Variants in DLG2 observed in about 807,000 individuals in gnomAD.
The protein encoded by DLG2 is discs large MAGUK scaffold protein 2.
A neutral mutation model predicts 132.5 loss-of-function variants in DLG2; 45 were observed. The ratio of observed to expected loss-of-function variants is 0.34; its 90% CI spans 0.27 to 0.44. The LOEUF is 0.44. DLG2 is among the 20% of genes least tolerant of loss of function. DLG2 has a pLI of 1.00. For synonymous variants in DLG2, 424 were observed against 419.6 expected, an observed-to-expected ratio of 1.01 and a Z score of -0.13; for missense variants, 1,045 against 1,196.9, an observed-to-expected ratio of 0.87 and a Z score of 1.87.
intron 3 of DLG2, among the ~76,000 whole-genome samples, chr11:85,290,339 T>C (rs1041339089): frequency 6.6e-6 from 1 of 152,124 alleles, no homozygotes; most frequent in African/African-American, 2.4e-5. Context: ...CAAACTCTAA[T>C]GTACACAAAA....
chr11:85,353,465 G>T (rs2083451896), intron 3 of DLG2, among the ~76,000 whole-genome samples: 1 of 152,038 alleles, frequency 6.6e-6, no homozygotes, highest in Non-Finnish European at 1.5e-5. Context: ...AAATACCATT[G>T]GACCGAGCAA....
intron 7 of DLG2, among the ~76,000 whole-genome samples, chr11:84,441,212 T>C (rs892779427): frequency 6.6e-6 from 1 of 151,980 alleles, no homozygotes; most frequent in Non-Finnish European, 1.5e-5. Flanking sequence ...AGTGTTACGA[T>C]CATAGCTCAC....
intron 9 of DLG2, among the ~76,000 whole-genome samples, chr11:84,132,157 T>C (rs2094445801): frequency 6.6e-6 from 1 of 152,004 alleles, no homozygotes; most frequent in African/African-American, 2.4e-5. Flanking sequence ...TTGTTCTGGC[T>C]TTAGCTTTAG....
chr11:84,918,166 G>A (rs902657572), intron 6 of DLG2, among the ~76,000 whole-genome samples: 1 of 152,076 alleles, frequency 6.6e-6, no homozygotes, highest in Non-Finnish European at 1.5e-5. Context: ...TAAATAAACT[G>A]TAAGGAAAAA....
At chr11:84,897,880 T>C (rs1294660387) in intron 6 of DLG2, among the ~76,000 whole-genome samples, 2 of 151,852 alleles carry the variant, frequency 1.3e-5, no homozygotes, top group Admixed American at 1.3e-4. Context: ...AGAGATAATA[T>C]GGAACACATA....
At chr11:83,921,664 A>G (rs146441806) in intron 15 of DLG2, among the ~76,000 whole-genome samples, 141 of 152,210 alleles carry the variant, frequency 9.3e-4, no homozygotes, top group Admixed American at 2.8e-3. Context: ...GAATTTTCTC[A>G]TAGGTAGTTT....
intron 6 of DLG2, among the ~76,000 whole-genome samples, chr11:84,873,422 C>T (rs1306905837): frequency 6.6e-6 from 1 of 152,214 alleles, no homozygotes; most frequent in Non-Finnish European, 1.5e-5. Flanking sequence ...TTTTTGACTT[C>T]TGACTTCAGG....
Position 85,154,778 on chromosome 11 carries a change from A to G in DLG2, c.187-127T>C, listed in dbSNP as rs553221437. 190 of 550,374 alleles carry G rather than the reference A, an allele frequency of 3.5e-4. 2 individuals carry two copies. The South Asian group carries it at 4.5e-3, about 13-fold the overall frequency. The allele number at this position is 550,374 out of a possible 1,614,324, so 34.1% of individuals were successfully genotyped here. A position where few individuals can be genotyped will look rare whatever the true frequency, so the allele number is the denominator to read the frequency against. On this transcript the variant is annotated intron_variant, in intron 4 of 27. Coordinates refer to ENST00000376104, the MANE Select transcript of DLG2 (RefSeq NM_001142699.3). ...TAAATATTAGATGTTGCTTATTTCA[A>G]TTTTAGCATATGAATGTACTATCTA... is the stretch of plus-strand genomic sequence containing the variant.
intron 3 of DLG2, among the ~76,000 whole-genome samples, chr11:85,538,991 T>A (rs1319267661): frequency 6.6e-6 from 1 of 151,692 alleles, no homozygotes; most frequent in Non-Finnish European, 1.5e-5. Context: ...ATCCCAGAAC[T>A]CAAAATTAAA....
At chr11:84,865,434 G>T (rs2084400440) in intron 6 of DLG2, among the ~76,000 whole-genome samples, 1 of 152,136 alleles carries the variant, frequency 6.6e-6, no homozygotes. Context: ...TAGAGCCCAG[G>T]AATGCATTTC....
At chr11:84,316,874 G>A (rs2098363134) in intron 7 of DLG2, 1 of 1,612,750 alleles carries the variant, frequency 6.2e-7, no homozygotes, top group Non-Finnish European at 8.5e-7. Context: ...CTCCCCACAA[G>A]TCCCTTTGCC....
intron 11 of DLG2, among the ~76,000 whole-genome samples, chr11:83,988,900 A>G (rs1188457773): frequency 6.6e-6 from 1 of 152,004 alleles, no homozygotes; most frequent in Non-Finnish European, 1.5e-5. Flanking sequence ...AGTCATCTAC[A>G]TATTTTGTTT....
chr11:84,311,266 G>T (rs2098283562), intron 7 of DLG2, among the ~76,000 whole-genome samples: 1 of 152,146 alleles, frequency 6.6e-6, no homozygotes, highest in African/African-American at 2.4e-5. Flanking sequence ...TTCCTGGACA[G>T]TAAGTTCTTC....
chr11:85,464,146 T>C (rs758552737), intron 3 of DLG2, among the ~76,000 whole-genome samples: 23 of 152,112 alleles, frequency 1.5e-4, no homozygotes, highest in Admixed American at 5.2e-4. Context: ...TTAAGTTTAG[T>C]TTCCAACACT....
intron 7 of DLG2, among the ~76,000 whole-genome samples, chr11:84,386,941 A>T (rs539396008): frequency 6.6e-6 from 1 of 152,176 alleles, no homozygotes; most frequent in South Asian, 2.1e-4. Flanking sequence ...AGTTATTTAC[A>T]GACTCTTGAT....
At chr11:85,515,807 G>C (rs1370844471) in intron 3 of DLG2, among the ~76,000 whole-genome samples, 1 of 151,968 alleles carries the variant, frequency 6.6e-6, no homozygotes, top group Non-Finnish European at 1.5e-5. Context: ...AAATGGTTAT[G>C]AGAATACAGG....
At chr11:85,138,696 T>C (rs930103126) in intron 5 of DLG2, among the ~76,000 whole-genome samples, 2 of 152,260 alleles carry the variant, frequency 1.3e-5, no homozygotes, top group Middle Eastern at 3.4e-3. Context: ...TCTCACAAGA[T>C]CTGATGGGTT....
At chr11:84,106,866 T>TGAGAGA (rs1356020682) in intron 9 of DLG2, among the ~76,000 whole-genome samples, 4 of 57,250 alleles carry the variant, frequency 7.0e-5, no homozygotes, top group Non-Finnish European at 1.3e-4. Context: ...TGTGTGTATG[T>TGAGAGA]GTGAGAGAGA....
At chr11:85,094,666 G>C (rs1264960902) in intron 6 of DLG2, among the ~76,000 whole-genome samples, 1 of 152,166 alleles carries the variant, frequency 6.6e-6, no homozygotes, top group African/African-American at 2.4e-5. Flanking sequence ...TCTGGATTAG[G>C]CTTTGGTTTA....
Sources: allele counts gnomAD v4.1 joint callset (sites outside exome capture counted in the v4.1 genomes callset), GRCh38; gene constraint gnomAD v4.1.1; transcripts MANE v1.5; gene names NCBI Gene and HGNC (gene_info 2026-07-23, HGNC 2026-07-21).